Variants in ARL15 observed in about 807,000 individuals in gnomAD.
ARL15 encodes the protein ARF like GTPase 15, also known as ADP-ribosylation factor-like protein 15.
Under a neutral mutation model 25.2 loss-of-function variants are expected in ARL15, and 19 were observed. The ratio of observed to expected loss-of-function variants is 0.75; its 90% CI spans 0.53 to 1.10. ARL15 has a LOEUF of 1.10. Ranked by LOEUF, ARL15 falls within the 50% of genes least tolerant of loss-of-function variation. The probability of loss-of-function intolerance (pLI) is 0.00; values close to 1 mark genes in which losing one functional copy is unlikely to be tolerated. For synonymous variants in ARL15, 94 were observed against 86.8 expected, an observed-to-expected ratio of 1.08 and a Z score of -0.46; for missense variants, 220 against 246.0, an observed-to-expected ratio of 0.89 and a Z score of 0.71.
In ARL15 at chr5:54,114,215, T is replaced by G. The variant is rs1209200600; in HGVS notation, c.254-805A>C. Among the ~76,000 whole-genome samples the G allele has an allele frequency of 2.0e-5, 3 of 151,858 alleles. No homozygotes were observed. The East Asian group carries it at 5.8e-4, about 29-fold the overall frequency. Reference sequence around the variant, plus strand: ...GAGTTCAAGACCAGCCTGGCCAACATGGTGAAACCCCATCTCTACTAAAAA... The same window carrying G: ...GAGTTCAAGACCAGCCTGGCCAACAGGGTGAAACCCCATCTCTACTAAAAA... On this transcript the variant is annotated intron_variant, in intron 3 of 4. Coordinates refer to ENST00000504924, the MANE Select transcript of ARL15 (RefSeq NM_019087.3).
At chr5:54,225,510 G>A (rs1329907530) in intron 1 of ARL15, among the ~76,000 whole-genome samples, 7 of 152,168 alleles carry the variant, frequency 4.6e-5, no homozygotes, top group Admixed American at 4.6e-4. Flanking sequence ...AGGAATGACT[G>A]GGTGGTGAAG....
chr5:54,227,216 C>G (rs1756549244), intron 1 of ARL15, among the ~76,000 whole-genome samples: 1 of 152,118 alleles, frequency 6.6e-6, no homozygotes, highest in South Asian at 2.1e-4. Flanking sequence ...GCACTGAGGC[C>G]AAGTTGTCTG....
chr5:54,057,984 G>A (rs1461826029), intron 4 of ARL15, among the ~76,000 whole-genome samples: 1 of 140,090 alleles, frequency 7.1e-6, no homozygotes, highest in African/African-American at 2.8e-5. Context: ...TAATTTACTG[G>A]TGCCTTTATT....
At chr5:54,310,157 G>T (rs1758858843) in intron 1 of ARL15, 1 of 417,292 alleles carries the variant, frequency 2.4e-6, no homozygotes, top group Non-Finnish European at 4.3e-6. Context: ...ACGCGCCGCC[G>T]CGGCCGCCCC....
Position 54,168,383 on chromosome 5 carries a change from T to C in ARL15, c.193+3401A>G, listed in dbSNP as rs1232395751. On this transcript the variant is annotated intron_variant, in intron 2 of 4. Coordinates refer to ENST00000504924, the MANE Select transcript of ARL15 (RefSeq NM_019087.3). ...ACTCATTATTTTTATCTTAAAACTC[T>C]GTCACATTCTCCCTACTTTTTTTTT... 3.7e-5 allele frequency among the ~76,000 whole-genome samples: 5 copies of C among 136,890 alleles called. No individual in the cohort carries two copies. The Admixed American group carries it at 3.7e-4, about 10-fold the overall frequency. 89.8% of individuals were successfully genotyped at this position (136,890 alleles called of 152,430 possible). A position where few individuals can be genotyped will look rare whatever the true frequency, so the allele number is the denominator to read the frequency against.
chr5:54,137,279 GTCC>G (rs1011962520), intron 3 of ARL15, among the ~76,000 whole-genome samples: 1 of 152,102 alleles, frequency 6.6e-6, no homozygotes, highest in South Asian at 2.1e-4. Flanking sequence ...TGCCCCTTGT[GTCC>G]TCCTCTGGTG....
rs1411836392 is a variant in ARL15, at chr5:54,171,859, G to A, written c.118C>T (p.Leu40Phe). The A allele has an allele frequency of 1.2e-6, 2 of 1,613,568 alleles. No homozygotes were observed. The highest frequency in any genetic ancestry group is 1.7e-6 in the Non-Finnish European group (2 of 1,179,754). ...AGACTGGTTTTGCCAGAACCTGTGA[G>A]GCCTATGCAAACCAGGTCATATTCT... ...RPEYDLVCIG[L>F]TGSGKTSLLS... Residue 40 changes from leucine (L) to phenylalanine (F), a missense_variant, in exon 2 of 5, where the codon CTC becomes TTC. Coordinates refer to ENST00000504924, the MANE Select transcript of ARL15 (RefSeq NM_019087.3).
chr5:54,307,745 A>G (rs1263839785), intron 1 of ARL15: 4 of 152,236 alleles, frequency 2.6e-5, no homozygotes, highest in Non-Finnish European at 4.4e-5. Context: ...CATCCAGCCC[A>G]AAGAACAATG....
intron 4 of ARL15, among the ~76,000 whole-genome samples, chr5:53,907,326 G>A (rs980437104): frequency 2.0e-5 from 3 of 150,862 alleles, no homozygotes; most frequent in Admixed American, 6.6e-5. Flanking sequence ...TATAGTTACT[G>A]GTCTTCGGGT....
intron 1 of ARL15, among the ~76,000 whole-genome samples, chr5:54,187,948 C>G (rs761212966): frequency 4.6e-5 from 7 of 151,980 alleles, no homozygotes; most frequent in Non-Finnish European, 8.8e-5. Flanking sequence ...TGTAGATAGA[C>G]AGAAACTCCT....
chr5:54,069,555 T>A (rs1407604840), intron 4 of ARL15, among the ~76,000 whole-genome samples: 6 of 23,246 alleles, frequency 2.6e-4, no homozygotes, highest in Non-Finnish European at 4.3e-4. Flanking sequence ...CAGCAAAACG[T>A]CTCAAAAAAA....
intron 1 of ARL15, among the ~76,000 whole-genome samples, chr5:54,259,781 C>T (rs1453741057): frequency 6.6e-6 from 1 of 152,174 alleles, no homozygotes; most frequent in African/African-American, 2.4e-5. Context: ...CATGGTCTTA[C>T]AACATCACAG....
At chr5:54,008,541 C>A (rs1487038092) in intron 4 of ARL15, among the ~76,000 whole-genome samples, 1 of 152,168 alleles carries the variant, frequency 6.6e-6, no homozygotes, top group Non-Finnish European at 1.5e-5. Flanking sequence ...AGAATGTGGC[C>A]TCTGATCACT....
chr5:54,205,066 C>G (rs1318120071), intron 1 of ARL15, among the ~76,000 whole-genome samples: 1 of 151,836 alleles, frequency 6.6e-6, no homozygotes, highest in Non-Finnish European at 1.5e-5. Context: ...TCCCAAGTAG[C>G]TGGGATTTAC....
intron 4 of ARL15, among the ~76,000 whole-genome samples, chr5:54,045,767 C>T (rs192562518): frequency 6.6e-6 from 1 of 152,170 alleles, no homozygotes; most frequent in African/African-American, 2.4e-5. Flanking sequence ...CATTTACCCC[C>T]CAGTCAACAG....
chr5:53,944,036 GATAAAA>G (rs1243393323), intron 4 of ARL15, among the ~76,000 whole-genome samples: 3 of 152,182 alleles, frequency 2.0e-5, no homozygotes, highest in Non-Finnish European at 4.4e-5. Context: ...GGGCATGGGA[GATAAAA>G]ATCACAGCAA....
intron 1 of ARL15, among the ~76,000 whole-genome samples, chr5:54,299,474 C>T (rs39691): frequency 0.69 from 104,004 of 151,760 alleles, 36,966 homozygotes; most frequent in Non-Finnish European, 0.79. Context: ...ATCTCTAAAA[C>T]GATAATAGTA....
At chr5:53,950,182 A>T (rs1746897616) in intron 4 of ARL15, among the ~76,000 whole-genome samples, 2 of 151,868 alleles carry the variant, frequency 1.3e-5, no homozygotes. Context: ...TAATCCCAGC[A>T]CTCTGAGAGG....
chr5:53,932,572 A>G (rs1746225720), intron 4 of ARL15, among the ~76,000 whole-genome samples: 2 of 152,260 alleles, frequency 1.3e-5, no homozygotes, highest in South Asian at 4.1e-4. Context: ...ATGAAGTGGT[A>G]CTATGAAATT....
Sources: allele counts gnomAD v4.1 joint callset (sites outside exome capture counted in the v4.1 genomes callset), GRCh38; gene constraint gnomAD v4.1.1; transcripts MANE v1.5; gene names NCBI Gene and HGNC (gene_info 2026-07-23, HGNC 2026-07-21).